Variants in ABCC6 observed in about 807,000 individuals in gnomAD.
The protein encoded by ABCC6 is ATP binding cassette subfamily C member 6, also known as ATP-binding cassette sub-family C member 6.
Under a neutral mutation model 169.5 loss-of-function variants are expected in ABCC6, and 126 were observed. The observed-to-expected ratio is 0.74, with a 90% confidence interval of 0.64 to 0.86. The LOEUF (loss-of-function observed/expected upper bound fraction) is 0.86. Among genes scored for constraint, ABCC6 ranks in the 40% least tolerant of loss-of-function variants. The pLI, the probability that ABCC6 is intolerant of heterozygous loss-of-function variation, is 0.00. For missense variants in ABCC6, 1,733 were observed against 1,927.2 expected, an observed-to-expected ratio of 0.90 and a Z score of 1.89; for synonymous variants, 752 against 814.7, an observed-to-expected ratio of 0.92 and a Z score of 1.31.
At chr16:16,198,764 T>C (rs552039630) in intron 9 of ABCC6, among the ~76,000 whole-genome samples, 45 of 150,966 alleles carry the variant, frequency 3.0e-4, no homozygotes, top group Admixed American at 8.7e-4. Flanking sequence ...GAGGCCGAGG[T>C]GGACAGATCA....
intron 4 of ABCC6, among the ~76,000 whole-genome samples, chr16:16,217,657 A>G (rs879019337): frequency 3.9e-5 from 6 of 152,236 alleles, no homozygotes; most frequent in East Asian, 3.8e-4. Flanking sequence ...GAACCCCAGA[A>G]TGTATATGGT....
chr16:16,154,916 A>T lies in ABCC6; in HGVS notation c.3998T>A (p.Val1333Glu). 1 of 1,609,506 alleles carries T rather than the reference A, an allele frequency of 6.2e-7. No homozygotes were observed. The highest frequency in any genetic ancestry group is 8.5e-7 in the Non-Finnish European group (1 of 1,178,136). ...CCTGGAGCGCAGTGTGTGCAGCCCC[A>T]CGTGGGCAATGGGGACCCCGTCGAT... Reference protein sequence around the residue: ...IWIDGVPIAHVGLHTLRSRIS... With the variant: ...IWIDGVPIAHEGLHTLRSRIS... The change falls in exon 28 of 31, where the codon GTG (valine) becomes GAG (glutamate). Residue 1333 changes from valine to glutamate, a missense_variant. Transcript: ENST00000205557.
chr16:16,183,923 G>A (rs563950962), intron 15 of ABCC6, among the ~76,000 whole-genome samples: 5 of 152,146 alleles, frequency 3.3e-5, no homozygotes, highest in East Asian at 1.9e-4. Flanking sequence ...CTCCCAGGCC[G>A]GGCACGGTGG....
At chr16:16,205,694 C>T (rs1482104406) in intron 7 of ABCC6, among the ~76,000 whole-genome samples, 1 of 152,152 alleles carries the variant, frequency 6.6e-6, no homozygotes, top group East Asian at 1.9e-4. Context: ...TAATTCATTG[C>T]CTTCACAGCC....
intron 10 of ABCC6, among the ~76,000 whole-genome samples, chr16:16,195,299 T>C (rs902285786): frequency 7.0e-6 from 1 of 143,258 alleles, no homozygotes; most frequent in Middle Eastern, 3.6e-3. Context: ...GTTGGTCTCA[T>C]CTAATTTTTT....
chr16:16,181,072 G>A (rs1186816306), intron 17 of ABCC6, among the ~76,000 whole-genome samples: 1 of 152,150 alleles, frequency 6.6e-6, no homozygotes, highest in Non-Finnish European at 1.5e-5. Flanking sequence ...GGGAGGCGGA[G>A]CTGGGTGGAT....
chr16:16,183,005 C>T (rs1339219728), intron 15 of ABCC6, 75 bp from the exon 16 acceptor site: 13 of 1,611,062 alleles, frequency 8.1e-6, no homozygotes, highest in South Asian at 2.2e-5. Context: ...GAGCCCCAGA[C>T]GGAGCTGAGC....
At chr16:16,179,050 C>T in intron 17 of ABCC6, 85 bp from the exon 18 acceptor site, 1 of 1,454,754 alleles carries the variant, frequency 6.9e-7, no homozygotes, top group Non-Finnish European at 9.4e-7. Context: ...TCAGGGCACA[C>T]CTGCCCATCA....
At chr16:16,166,055 T>G in intron 22 of ABCC6, 122 bp from the exon 23 acceptor site, 3 of 994,528 alleles carry the variant, frequency 3.0e-6, no homozygotes, top group African/African-American at 3.3e-5. Context: ...CCACCCTGAT[T>G]ATTATATTTT....
intron 15 of ABCC6, chr16:16,184,226 AAGAAC>A: frequency 2.1e-5 from 4 of 194,532 alleles, no homozygotes; most frequent in South Asian, 5.7e-5. Context: ...AAAAAAAAAA[AAGAAC>A]AGCTCTTCTC....
In ABCC6 at chr16:16,165,722, G is replaced by T. The variant is rs60975032; in HGVS notation, c.3207C>A (p.Tyr1069Ter). Residue 1069 changes from tyrosine (Y) to a stop codon, truncating the protein, a stop_gained, in exon 23 of 31, where the codon TAC (tyrosine) becomes TAA (stop). Coordinates refer to ENST00000205557, the MANE Select transcript of ABCC6 (RefSeq NM_001171.6). LOFTEE classifies it high-confidence loss of function. ...IPDKLRSLLMYAFGLLEVSLV... is the reference protein window; with the variant it reads ...IPDKLRSLLM ...GGCTGACCTCCAGGAGTCCAAAGGC[G>T]TACATCAGCAGGGACCGGAGTTTGT... 6.2e-7 allele frequency: 1 copy of T among 1,613,670 alleles called. No homozygotes were observed. Among genetic ancestry groups the T allele is most frequent in the Non-Finnish European group, 8.5e-7 (1 of 1,180,024 alleles).
intron 4 of ABCC6, among the ~76,000 whole-genome samples, chr16:16,215,576 C>A (rs371234561): frequency 6.7e-6 from 1 of 149,572 alleles, no homozygotes; most frequent in Admixed American, 6.7e-5. Flanking sequence ...TGGGTTCAAG[C>A]GATTCTCCTG....
At chr16:16,171,947 G>T (rs1223655348) in intron 21 of ABCC6, among the ~76,000 whole-genome samples, 1 of 127,668 alleles carries the variant, frequency 7.8e-6, no homozygotes, top group East Asian at 2.7e-4. Context: ...GGGTGGGATG[G>T]ATAAATGAGT....
In ABCC6 at chr16:16,182,538, C is replaced by T. The variant is rs778711523; in HGVS notation, c.2121G>A (p.Val707=). Residue 707 remains valine, a synonymous_variant, in exon 17 of 31, where the codon GTG becomes GTA. Coordinates refer to ENST00000205557, the MANE Select transcript of ABCC6 (RefSeq NM_001171.6). ...PQEAWVQNTS[V]VENVCFGQEL... ...CCTGCCCGAAGCACACATTCTCTACCACAGAGGTGTTCTGCACCCAGGCCT... is the reference window on the plus strand; with the variant it reads ...CCTGCCCGAAGCACACATTCTCTACTACAGAGGTGTTCTGCACCCAGGCCT... The T allele has an allele frequency of 1.2e-6, 2 of 1,614,132 alleles. No homozygotes were observed. The highest frequency in any genetic ancestry group is 1.7e-6 in the Non-Finnish European group (2 of 1,179,986).
At position 16,175,907 on chromosome 16, in the gene ABCC6, T is replaced by C; in HGVS notation, c.2666+4A>G. ...TTCTGAGTGTGGCACCATGGTGGAC[T>C]CACCTCTCGCGTCTAAGCTCGGGCC... is the stretch of plus-strand genomic sequence containing the variant. On this transcript the variant is annotated splice_donor_region_variant and intron_variant, in intron 20 of 30. Coordinates refer to ENST00000205557, the MANE Select transcript of ABCC6 (RefSeq NM_001171.6). The C allele has an allele frequency of 1.2e-6, 2 of 1,614,106 alleles. No homozygotes were observed. Among genetic ancestry groups the C allele is most frequent in the Admixed American group, 3.3e-5 (2 of 60,026 alleles).
intron 25 of ABCC6, among the ~76,000 whole-genome samples, chr16:16,160,431 A>C (rs1267984502): frequency 6.6e-6 from 1 of 151,980 alleles, no homozygotes; most frequent in Non-Finnish European, 1.5e-5. Flanking sequence ...GAACCCAGGA[A>C]TTGAAGGCTG....
chr16:16,150,511 C>A, intron 30 of ABCC6, 67 bp downstream of exon 30: 1 of 1,562,594 alleles, frequency 6.4e-7, no homozygotes. Context: ...TGGCCCAGGA[C>A]TGCCTCCGCC....
intron 18 of ABCC6, 47 bp downstream of exon 18, chr16:16,178,751 T>A: frequency 6.2e-7 from 1 of 1,610,558 alleles, no homozygotes; most frequent in Non-Finnish European, 8.5e-7. Context: ...GCTAAGTGCT[T>A]CCTCTGCCTT....
chr16:16,167,276 A>G (rs544857331), intron 22 of ABCC6, among the ~76,000 whole-genome samples: 306 of 152,296 alleles, frequency 2.0e-3, no homozygotes, highest in African/African-American at 7.1e-3. Flanking sequence ...GGAGGTAGCC[A>G]AGCTGGAGCC....
Sources: gnomAD v4.1 joint callset for allele counts (sites outside exome capture counted in the v4.1 genomes callset) on GRCh38, gnomAD v4.1.1 for gene constraint, MANE v1.5 for transcripts, NCBI Gene and HGNC (gene_info 2026-07-23, HGNC 2026-07-21) for gene names.